The following PABPN1 variants were observed in gnomAD, a reference collection of about 807,000 sequenced individuals.
The protein encoded by PABPN1 is polyadenylate-binding protein 2.
A neutral mutation model predicts 33.4 loss-of-function variants in PABPN1; 5 were observed. That is an observed-to-expected ratio of 0.15 (90% CI 0.08 to 0.32). The LOEUF is 0.32. Ranked by LOEUF, PABPN1 falls within the 10% of genes least tolerant of loss-of-function variation. The pLI is 1.00. For missense variants in PABPN1, 312 were observed against 425.8 expected (o/e 0.73, Z 2.35); for synonymous variants, 176 against 170.6 (o/e 1.03, Z -0.25).
chr14:23,325,188 G>A (rs984375018), intron 6 of PABPN1, 59 bp from the exon 7 acceptor site: 2 of 1,611,156 alleles, frequency 1.2e-6, no homozygotes, highest in African/African-American at 2.7e-5. Flanking sequence ...TACGGGGAGG[G>A]GCTTGTACTG....
intron 4 of PABPN1, among the ~76,000 whole-genome samples, chr14:23,323,712 G>T (rs1000111277): frequency 1.3e-5 from 2 of 152,094 alleles, no homozygotes; most frequent in Admixed American, 1.3e-4. Context: ...AAGGGGAGGG[G>T]CAGCTTCTAC....
intron 1 of PABPN1, 24 bp from the exon 2 acceptor site, chr14:23,322,157 C>G (rs1220986857): frequency 1.3e-6 from 2 of 1,586,624 alleles, no homozygotes; most frequent in Non-Finnish European, 1.7e-6. Flanking sequence ...AAGCTGTCCT[C>G]CATACCCTCC....
chr14:23,322,858 T>C lies in PABPN1; in HGVS notation c.467-141T>C, dbSNP rs1257722354. On this transcript the variant is annotated intron_variant, in intron 2 of 6. Transcript: ENST00000216727. ...ATGCACTAGGCACTATTCTCGGTTG[T>C]GGGTACAGCAGGGAACAGCACAGAC... is the stretch of plus-strand genomic sequence containing the variant. 4 of 993,134 alleles carry C rather than the reference T, an allele frequency of 4.0e-6. No homozygotes were observed. The East Asian group carries it at 7.1e-5, about 18-fold the overall frequency. The allele number at this position is 993,134 out of a possible 1,614,324, so 61.5% of individuals were successfully genotyped here. A position where few individuals can be genotyped will look rare whatever the true frequency, so the allele number is the denominator to read the frequency against.
intron 1 of PABPN1, 30 bp downstream of exon 1, chr14:23,321,850 G>C: frequency 7.0e-7 from 1 of 1,437,338 alleles, no homozygotes; most frequent in Non-Finnish European, 9.2e-7. Context: ...CGAGCAGGCC[G>C]GCGGCTGGCC....
Position 23,325,437 on chromosome 14 carries a change from T to C in PABPN1, c.*151T>C. 5.2e-3 allele frequency: 3,535 copies of C among 683,050 alleles called. No homozygotes were observed. Among genetic ancestry groups the C allele is most frequent in the Non-Finnish European group, 7.2e-3 (3,176 of 442,944 alleles). The allele number at this position is 683,050 out of a possible 1,614,324, so 42.3% of individuals were successfully genotyped here. On this transcript the variant is annotated 3_prime_UTR_variant, in exon 7 of 7. Coordinates refer to ENST00000216727, the MANE Select transcript of PABPN1 (RefSeq NM_004643.4). ...AGATATACTGTGGAAGGGGGGAGAA[T>C]CCCATAACTAACTGCTGAGGAGGGA...
rs144841285 is a variant in PABPN1 at position 23,325,286 on chromosome 14, A to G, written c.921A>G (p.Ter307=). 3.7e-6 allele frequency: 6 copies of G among 1,612,766 alleles called. No homozygotes were observed. The African/African-American group carries it at 8.0e-5, about 22-fold the overall frequency. ...ARATSWYSPY[*] is the part of the protein sequence containing the mutation. ...CGACATCATGGTATTCCCCTTACTA[A>G]AAAAAGTGTGTATTAGGAGGAGAGA... Residue 307 remains the stop codon, a stop_retained_variant, in exon 7 of 7, where the codon TAA becomes TAG. Coordinates refer to ENST00000216727, the MANE Select transcript of PABPN1 (RefSeq NM_004643.4).
chr14:23,323,121 A>G, intron 3 of PABPN1, 55 bp downstream of exon 3: 4 of 1,608,900 alleles, frequency 2.5e-6, no homozygotes, highest in Non-Finnish European at 3.4e-6. Flanking sequence ...TTGGGGAATT[A>G]TTTAATAGTC....
chr14:23,321,927 G>GGGGGGGGGGGGGGGGGGGGC, intron 1 of PABPN1, 107 bp downstream of exon 1: 1 of 458,120 alleles, frequency 2.2e-6, no homozygotes, highest in Non-Finnish European at 4.0e-6. Flanking sequence ...GTTGGGCGGG[G>GGGGGGGGGGGGGGGGGGGGC]AATAACGTGG....
In PABPN1 at chr14:23,324,898, G is replaced by A. The variant is rs1291930271; in HGVS notation, c.882-349G>A. 2.1e-5 allele frequency: 6 copies of A among 288,726 alleles called. No individual in the cohort carries two copies. In the East Asian group the frequency reaches 3.3e-4, roughly 16 times the overall value. The allele number at this position is 288,726 out of a possible 1,614,324, so 17.9% of individuals were successfully genotyped here. On this transcript the variant is annotated intron_variant, in intron 6 of 6. Transcript: ENST00000216727. ...CCTTGGCTTTTCATAAGCTCTACCT[G>A]CCTATCCCCAGGAGTTAGGGAGGAT...
chr14:23,321,691 G>A lies in PABPN1; in HGVS notation c.222G>A (p.Pro74=), dbSNP rs771330291. The A allele has an allele frequency of 1.3e-6, 2 of 1,529,836 alleles. No individual in the cohort carries two copies. The highest frequency in any genetic ancestry group is 2.0e-5 in the Admixed American group (1 of 50,772). The allele number at this position is 1,529,836 out of a possible 1,614,324, so 94.8% of individuals were successfully genotyped here. A position where few individuals can be genotyped will look rare whatever the true frequency, so the allele number is the denominator to read the frequency against. ...PEPEPEPEEE[P]PRPRAPPGAP... Reference sequence around the variant, plus strand: ...CGGAGCCCGAGCCCGAAGAGGAGCCGCCCCGGCCCCGCGCCCCCCCGGGAG... The same window carrying A: ...CGGAGCCCGAGCCCGAAGAGGAGCCACCCCGGCCCCGCGCCCCCCCGGGAG... Residue 74 remains proline (P), a synonymous_variant, in exon 1 of 7, where the codon CCG becomes CCA. Transcript: ENST00000216727.
intron 3 of PABPN1, 76 bp downstream of exon 3, chr14:23,323,142 C>T (rs1888451908): frequency 1.9e-6 from 3 of 1,593,894 alleles, no homozygotes; most frequent in Non-Finnish European, 2.6e-6. Context: ...CTGAAAGGAA[C>T]ATCTCCGGGA....
At chr14:23,324,099 G>A in intron 5 of PABPN1, 39 bp from the exon 6 acceptor site, 7 of 1,614,138 alleles carry the variant, frequency 4.3e-6, no homozygotes, top group Non-Finnish European at 5.9e-6. Flanking sequence ...AACTCTCCAG[G>A]TTGCCTTTAA....
Position 23,325,881 on chromosome 14 carries a change from C to T in PABPN1, c.*595C>T, listed in dbSNP as rs1283057584. The T allele has an allele frequency of 6.5e-6, 1 of 153,536 alleles. No individual in the cohort carries two copies. Among genetic ancestry groups the T allele is most frequent in the Non-Finnish European group, 1.5e-5 (1 of 68,774 alleles). 9.5% of individuals were successfully genotyped at this position (153,536 alleles called of 1,614,324 possible). A position where few individuals can be genotyped will look rare whatever the true frequency, so the allele number is the denominator to read the frequency against. On this transcript the variant is annotated 3_prime_UTR_variant, in exon 7 of 7. Transcript: ENST00000216727. Reference sequence around the variant, plus strand: ...TTGCAGGTTTCTGTAGCCGGAAGATCTCCGTTCCGCTCCCAGCGGCTCCAG... The same window carrying T: ...TTGCAGGTTTCTGTAGCCGGAAGATTTCCGTTCCGCTCCCAGCGGCTCCAG...
At chr14:23,325,056 G>T in intron 6 of PABPN1, 191 bp from the exon 7 acceptor site, 2 of 665,160 alleles carry the variant, frequency 3.0e-6, no homozygotes, top group Non-Finnish European at 2.4e-6. Context: ...TTTCTGTTAA[G>T]CCCCCCTCCC....
chr14:23,322,015 G>C lies in PABPN1; in HGVS notation c.352-166G>C, dbSNP rs532879489. 7.2e-5 allele frequency: 58 copies of C among 807,684 alleles called. No homozygotes were observed. In the African/African-American group the frequency reaches 9.6e-4, roughly 13 times the overall value. The allele number at this position is 807,684 out of a possible 1,614,324, so 50.0% of individuals were successfully genotyped here. A position where few individuals can be genotyped will look rare whatever the true frequency, so the allele number is the denominator to read the frequency against. On this transcript the variant is annotated intron_variant, in intron 1 of 6. Coordinates refer to ENST00000216727, the MANE Select transcript of PABPN1 (RefSeq NM_004643.4). ...CTGGCTTGATTCGGGCGTCACGGTT[G>C]CCTAGTGTTGTTCTAGAGAGGGTAG...
At chr14:23,322,953 G>GA (rs750233384) in intron 2 of PABPN1, 46 bp from the exon 3 acceptor site, 11 of 1,613,154 alleles carry the variant, frequency 6.8e-6, no homozygotes, top group Non-Finnish European at 8.5e-6. Context: ...TGGTCAAGTA[G>GA]AAAACAAGTG....
At chr14:23,323,287 G>A in intron 3 of PABPN1, 90 bp from the exon 4 acceptor site, 1 of 1,381,482 alleles carries the variant, frequency 7.2e-7, no homozygotes, top group Non-Finnish European at 1.0e-6. Context: ...ATGTGCTTTG[G>A]TGTATGATGG....
chr14:23,322,617 A>G (rs949977806), intron 2 of PABPN1: 5 of 460,144 alleles, frequency 1.1e-5, no homozygotes, highest in Admixed American at 1.0e-4. Context: ...CTCCAATTGG[A>G]GACGCTTTAG....
intron 3 of PABPN1, 99 bp from the exon 4 acceptor site, chr14:23,323,278 T>C: frequency 7.4e-7 from 1 of 1,347,506 alleles, no homozygotes; most frequent in Non-Finnish European, 1.1e-6. Context: ...CCAGATTTCA[T>C]GTGCTTTGGT....
Sources: allele counts gnomAD v4.1 joint callset (sites outside exome capture counted in the v4.1 genomes callset), GRCh38; gene constraint gnomAD v4.1.1; transcripts MANE v1.5; gene names NCBI Gene and HGNC (gene_info 2026-07-23, HGNC 2026-07-21).